The following LTBP1 variants were observed in gnomAD, a reference collection of about 807,000 sequenced individuals.
The protein encoded by LTBP1 is latent-transforming growth factor beta-binding protein 1.
LTBP1 carries 129 observed loss-of-function variants against 207.6 expected under a neutral mutation model. The ratio of observed to expected loss-of-function variants is 0.62; its 90% confidence interval spans 0.54 to 0.72. The LOEUF is 0.72. Among genes scored for constraint, LTBP1 ranks in the 30% least tolerant of loss-of-function variants. LTBP1 has a pLI of 0.00. For synonymous variants in LTBP1, 963 were observed against 833.7 expected, an observed-to-expected ratio of 1.16 and a Z score of -2.67; for missense variants, 2,281 against 2,217.2, an observed-to-expected ratio of 1.03 and a Z score of -0.58.
chr2:33,246,131 A>T (rs1337813787), intron 10 of LTBP1, among the ~76,000 whole-genome samples: 1 of 152,370 alleles, frequency 6.6e-6, no homozygotes, highest in East Asian at 1.9e-4. Flanking sequence ...ACTGATAAGT[A>T]TTAAGAGACG....
At chr2:33,050,687 C>T (rs922466247) in intron 3 of LTBP1, among the ~76,000 whole-genome samples, 2 of 152,042 alleles carry the variant, frequency 1.3e-5, no homozygotes, top group Non-Finnish European at 2.9e-5. Context: ...GTTCAGGTTT[C>T]CTCTTTATTC....
intron 7 of LTBP1, among the ~76,000 whole-genome samples, chr2:33,204,598 G>A (rs1271117553): frequency 1.3e-5 from 2 of 150,442 alleles, no homozygotes; most frequent in East Asian, 3.9e-4. Context: ...CTTTTTTTAA[G>A]AGATAGGGTC....
intron 9 of LTBP1, among the ~76,000 whole-genome samples, chr2:33,228,314 C>A (rs2091568015): frequency 6.6e-6 from 1 of 152,246 alleles, no homozygotes; most frequent in East Asian, 1.9e-4. Flanking sequence ...CACTTTATAT[C>A]AGTTATCTCC....
intron 7 of LTBP1, among the ~76,000 whole-genome samples, chr2:33,194,224 A>T (rs2088272718): frequency 6.6e-6 from 1 of 152,050 alleles, no homozygotes; most frequent in Admixed American, 6.6e-5. Context: ...TGACCTCGTG[A>T]TCCACCCTCC....
At chr2:33,057,638 G>C (rs183327066) in intron 3 of LTBP1, among the ~76,000 whole-genome samples, 29 of 152,362 alleles carry the variant, frequency 1.9e-4, no homozygotes, top group Admixed American at 1.9e-3. Context: ...ACTGCTGGGG[G>C]ACCTGGCGCA....
intron 12 of LTBP1, 98 bp downstream of exon 12, chr2:33,257,609 T>C: frequency 1.0e-6 from 1 of 993,282 alleles, no homozygotes; most frequent in Non-Finnish European, 1.5e-6. Context: ...TTTCTCAGCC[T>C]AAGCACTATT....
At chr2:33,390,795 A>G (rs1013884791) in intron 32 of LTBP1, among the ~76,000 whole-genome samples, 5 of 152,016 alleles carry the variant, frequency 3.3e-5, no homozygotes, top group African/African-American at 9.7e-5. Flanking sequence ...CCTGCACCAC[A>G]TTTTTAAGAT....
chr2:33,029,018 G>C (rs1236465611), intron 3 of LTBP1, among the ~76,000 whole-genome samples: 1 of 152,172 alleles, frequency 6.6e-6, no homozygotes. Flanking sequence ...TCAAGTGCTG[G>C]TAGAAAGCAA....
At chr2:33,169,602 C>A (rs551208192) in intron 5 of LTBP1, among the ~76,000 whole-genome samples, 1 of 152,100 alleles carries the variant, frequency 6.6e-6, no homozygotes, top group African/African-American at 2.4e-5. Flanking sequence ...AGAATTGAAA[C>A]CATAGAACAT....
rs558835456 is a variant in LTBP1, at chr2:33,190,878, T to C, written c.1701+2027T>C. Among the ~76,000 whole-genome samples the C allele has an allele frequency of 1.4e-4, 21 of 152,306 alleles. No homozygotes were observed. The South Asian group carries it at 1.7e-3, about 12-fold the overall frequency. On this transcript the variant is annotated intron_variant, in intron 7 of 33. Transcript: ENST00000404816. ...CTAACGTGGCTTTTCATTCCCCAGT[T>C]TTGCAAATGCTTTTGGGAGAAGGAA...
chr2:33,387,607 A>C (rs1319380781), intron 31 of LTBP1, among the ~76,000 whole-genome samples: 1 of 152,190 alleles, frequency 6.6e-6, no homozygotes, highest in East Asian at 1.9e-4. Flanking sequence ...GGCAGTTCTC[A>C]GAATGTGTGT....
intron 29 of LTBP1, among the ~76,000 whole-genome samples, chr2:33,363,944 A>T (rs1347838234): frequency 6.6e-6 from 1 of 152,256 alleles, no homozygotes; most frequent in Non-Finnish European, 1.5e-5. Flanking sequence ...ATAAAGAGCC[A>T]TTTAATCTTA....
intron 3 of LTBP1, among the ~76,000 whole-genome samples, chr2:33,080,009 A>C (rs917693687): frequency 7.9e-5 from 12 of 152,136 alleles, no homozygotes; most frequent in Non-Finnish European, 1.6e-4. Context: ...AAGAAGGCAG[A>C]GACCACTTTT....
chr2:33,196,136 A>G (rs2088534757), intron 7 of LTBP1, among the ~76,000 whole-genome samples: 1 of 152,108 alleles, frequency 6.6e-6, no homozygotes, highest in Non-Finnish European at 1.5e-5. Context: ...TTGTGATAAT[A>G]ACTTTATTGC....
Position 33,389,311 on chromosome 2 carries a change from G to A in LTBP1, c.4834+5G>A. On this transcript the variant is annotated splice_donor_5th_base_variant and intron_variant, in intron 32 of 33. Coordinates refer to ENST00000404816, the MANE Select transcript of LTBP1 (RefSeq NM_206943.4). ...ATCCCTACTTCATCCAAGACCGTAA[G>A]CAAAATAACCTTGTTCCTTTGATAC... 6.2e-7 allele frequency: 1 copy of A among 1,614,016 alleles called. No individual in the cohort carries two copies. Among genetic ancestry groups the A allele is most frequent in the Non-Finnish European group, 8.5e-7 (1 of 1,179,952 alleles).
chr2:33,175,200 T>C (rs571725584), intron 5 of LTBP1, among the ~76,000 whole-genome samples: 15 of 150,764 alleles, frequency 9.9e-5, no homozygotes. Flanking sequence ...CAAAAGAAAC[T>C]ACCATCAGAG....
intron 3 of LTBP1, among the ~76,000 whole-genome samples, chr2:33,062,740 G>A (rs75423801): frequency 0.097 from 14,794 of 152,186 alleles, 952 homozygotes; most frequent in Non-Finnish European, 0.14. Flanking sequence ...GCCTGAAACT[G>A]TGGATAGTAC....
At chr2:32,986,398 A>G (rs957562985) in intron 2 of LTBP1, among the ~76,000 whole-genome samples, 2 of 152,168 alleles carry the variant, frequency 1.3e-5, no homozygotes, top group Non-Finnish European at 2.9e-5. Context: ...GATGATACAC[A>G]GACTGACTTA....
chr2:32,965,967 A>C (rs778450544), intron 2 of LTBP1, among the ~76,000 whole-genome samples: 1 of 152,176 alleles, frequency 6.6e-6, no homozygotes, highest in Non-Finnish European at 1.5e-5. Flanking sequence ...GAGAGTTCCT[A>C]TTGTTCCACT....
Sources: allele counts gnomAD v4.1 joint callset (sites outside exome capture counted in the v4.1 genomes callset), GRCh38; gene constraint gnomAD v4.1.1; transcripts MANE v1.5; gene names NCBI Gene and HGNC (gene_info 2026-07-23, HGNC 2026-07-21).